The following RBFOX1 variants were observed in gnomAD, a reference collection of about 807,000 sequenced individuals.
RBFOX1 encodes the protein RNA binding protein fox-1 homolog 1.
A neutral mutation model predicts 57.7 loss-of-function variants in RBFOX1; 8 were observed. The ratio of observed to expected loss-of-function variants is 0.14; its 90% CI spans 0.08 to 0.25. RBFOX1 has a LOEUF of 0.25. RBFOX1 is among the 10% of genes least tolerant of loss of function. The pLI, the probability that RBFOX1 is intolerant of heterozygous loss-of-function variation, is 1.00. For synonymous variants in RBFOX1, 326 were observed against 222.4 expected, an observed-to-expected ratio of 1.47 and a Z score of -4.15; for missense variants, 611 against 548.5, an observed-to-expected ratio of 1.11 and a Z score of -1.14.
intron 4 of RBFOX1, among the ~76,000 whole-genome samples, chr16:7,096,562 C>A (rs1599382829): frequency 6.6e-6 from 1 of 152,086 alleles, no homozygotes; most frequent in Non-Finnish European, 1.5e-5. Flanking sequence ...ACCCCTGAAC[C>A]CATCCCTGAT....
At chr16:6,993,890 A>T (rs887328311) in intron 3 of RBFOX1, among the ~76,000 whole-genome samples, 4 of 152,168 alleles carry the variant, frequency 2.6e-5, no homozygotes, top group Non-Finnish European at 5.9e-5. Context: ...CAGGGACAAC[A>T]TTAATGTATC....
At chr16:7,414,290 C>G (rs537416359) in intron 4 of RBFOX1, among the ~76,000 whole-genome samples, 1 of 152,280 alleles carries the variant, frequency 6.6e-6, no homozygotes, top group East Asian at 1.9e-4. Flanking sequence ...ACACAAGGAA[C>G]TCTATGTTCA....
chr16:7,423,628 A>G (rs544496479), intron 4 of RBFOX1, among the ~76,000 whole-genome samples: 66 of 152,128 alleles, frequency 4.3e-4, no homozygotes, highest in African/African-American at 1.5e-3. Context: ...GTGGTTTGCA[A>G]TTGCAGCTTG....
intron 1 of RBFOX1, among the ~76,000 whole-genome samples, chr16:6,034,629 T>G (rs1261077274): frequency 1.3e-5 from 2 of 152,166 alleles, no homozygotes; most frequent in Non-Finnish European, 2.9e-5. Flanking sequence ...AGTGTTGCAT[T>G]GGAGAATAAG....
intron 1 of RBFOX1, among the ~76,000 whole-genome samples, chr16:6,247,269 C>T (rs1408360387): frequency 6.6e-6 from 1 of 152,176 alleles, no homozygotes; most frequent in Non-Finnish European, 1.5e-5. Context: ...AGTTACCCAG[C>T]CTTCAATGGA....
chr16:6,367,655 A>G (rs2089849243), intron 2 of RBFOX1, among the ~76,000 whole-genome samples: 2 of 151,776 alleles, frequency 1.3e-5, no homozygotes, highest in South Asian at 2.1e-4. Flanking sequence ...AACATGGGAG[A>G]GGGAGCTGGG....
At chr16:5,485,318 C>G (rs1296349511) in intron 2 of RBFOX1, among the ~76,000 whole-genome samples, 1 of 127,414 alleles carries the variant, frequency 7.8e-6, no homozygotes, top group South Asian at 2.6e-4. Context: ...TGCACTCCAG[C>G]CTGGGCGACA....
chr16:7,151,424 G>A (rs1459429314), intron 4 of RBFOX1, among the ~76,000 whole-genome samples: 1 of 152,112 alleles, frequency 6.6e-6, no homozygotes, highest in Non-Finnish European at 1.5e-5. Context: ...TTAAACTAAT[G>A]TCACTAATGT....
intron 4 of RBFOX1, among the ~76,000 whole-genome samples, chr16:7,145,498 C>T (rs2074775748): frequency 6.6e-6 from 1 of 152,118 alleles, no homozygotes; most frequent in South Asian, 2.1e-4. Context: ...TGAGCCATCA[C>T]ACCTGGGCTT....
intron 2 of RBFOX1, among the ~76,000 whole-genome samples, chr16:6,447,551 A>G (rs958953751): frequency 5.3e-5 from 8 of 152,190 alleles, no homozygotes; most frequent in African/African-American, 1.7e-4. Context: ...GTCATATCAG[A>G]GTGCCTGTTT....
chr16:5,464,084 T>A (rs750559015), intron 1 of RBFOX1, among the ~76,000 whole-genome samples: 2 of 152,042 alleles, frequency 1.3e-5, no homozygotes, highest in African/African-American at 2.4e-5. Flanking sequence ...TCAGGCTCAA[T>A]GGGCTGGGAG....
At chr16:6,972,751 A>C (rs2085868038) in intron 3 of RBFOX1, among the ~76,000 whole-genome samples, 1 of 152,132 alleles carries the variant, frequency 6.6e-6, no homozygotes, top group Non-Finnish European at 1.5e-5. Context: ...CTCCAGGGGA[A>C]ACACAAGGGA....
intron 1 of RBFOX1, among the ~76,000 whole-genome samples, chr16:6,266,171 G>A (rs887292107): frequency 6.6e-6 from 1 of 152,164 alleles, no homozygotes; most frequent in Admixed American, 6.5e-5. Flanking sequence ...AGATCAGTGA[G>A]TCACTTCTCT....
intron 3 of RBFOX1, among the ~76,000 whole-genome samples, chr16:6,844,592 G>T (rs572521928): frequency 2.8e-4 from 42 of 152,128 alleles, no homozygotes; most frequent in African/African-American, 9.2e-4. Context: ...GTCATTGATG[G>T]GCATTTAGGT....
At chr16:5,815,861 G>A (rs888833999) in intron 3 of RBFOX1, among the ~76,000 whole-genome samples, 2 of 152,194 alleles carry the variant, frequency 1.3e-5, no homozygotes, top group Non-Finnish European at 2.9e-5. Flanking sequence ...TCAGATGGGG[G>A]CAGGGGCTGG....
At chr16:6,117,705 C>A (rs545693254) in intron 1 of RBFOX1, among the ~76,000 whole-genome samples, 2 of 151,980 alleles carry the variant, frequency 1.3e-5, no homozygotes, top group Non-Finnish European at 2.9e-5. Context: ...GTGAGAAATA[C>A]GTTTCTGTTC....
At chr16:7,061,652 C>G (rs1246886361) in intron 4 of RBFOX1, among the ~76,000 whole-genome samples, 1 of 152,198 alleles carries the variant, frequency 6.6e-6, no homozygotes, top group African/African-American at 2.4e-5. Flanking sequence ...CTATTATCCC[C>G]AGTCCTCATG....
intron 3 of RBFOX1, among the ~76,000 whole-genome samples, chr16:6,987,127 G>T (rs1371195636): frequency 6.6e-6 from 1 of 152,074 alleles, no homozygotes; most frequent in African/African-American, 2.4e-5. Context: ...TGGGTGTAGT[G>T]GGCCTAATAA....
rs1222057514 is a variant in RBFOX1 at position 6,450,836 on chromosome 16, TGTGTATA to T, written c.-64+133780_-64+133786del. Reference sequence around the variant, plus strand: ...ATATATACATATATATATATATATATGTGTATATATATATATATATATATATATATAT... The same window carrying T: ...ATATATACATATATATATATATATATTATATATATATATATATATATATAT... On this transcript the variant is annotated intron_variant, in intron 2 of 15. Transcript: ENST00000550418. Among the ~76,000 whole-genome samples the T allele has an allele frequency of 9.2e-4, 16 of 17,298 alleles. 2 individuals carry two copies. Among genetic ancestry groups the T allele is most frequent in the African/African-American group, 4.9e-3 (16 of 3,250 alleles). 11.3% of individuals were successfully genotyped at this position (17,298 alleles called of 152,430 possible).
Sources: gnomAD v4.1 joint callset for allele counts (sites outside exome capture counted in the v4.1 genomes callset) on GRCh38, gnomAD v4.1.1 for gene constraint, MANE v1.5 for transcripts, NCBI Gene and HGNC (gene_info 2026-07-23, HGNC 2026-07-21) for gene names.